The following NUMB variants were observed in gnomAD, a reference collection of about 807,000 sequenced individuals.
NUMB encodes protein numb homolog.
A neutral mutation model predicts 59.7 loss-of-function variants in NUMB; 29 were observed. That is an observed-to-expected ratio of 0.49 (90% CI 0.36 to 0.66). The LOEUF is 0.66. Among genes scored for constraint, NUMB ranks in the 30% least tolerant of loss-of-function variants. NUMB has a pLI of 0.00. For missense variants in NUMB, 723 were observed against 822.0 expected (o/e 0.88, Z 1.47); for synonymous variants, 288 against 288.2 (o/e 1.00, Z 0.01).
intron 8 of NUMB, among the ~76,000 whole-genome samples, chr14:73,291,306 C>A (rs1345202457): frequency 4.6e-5 from 7 of 152,028 alleles, no homozygotes; most frequent in Admixed American, 4.6e-4. Context: ...GTCTCCAACT[C>A]CTGACCTCAA....
At chr14:73,341,334 A>C (rs1892621393) in intron 4 of NUMB, among the ~76,000 whole-genome samples, 1 of 152,250 alleles carries the variant, frequency 6.6e-6, no homozygotes, top group South Asian at 2.1e-4. Context: ...AGTAGAACTA[A>C]AAATAATAAT....
At chr14:73,360,271 C>A (rs968210515) in intron 3 of NUMB, among the ~76,000 whole-genome samples, 8 of 152,124 alleles carry the variant, frequency 5.3e-5, no homozygotes, top group African/African-American at 1.7e-4. Flanking sequence ...AAGGTATGGC[C>A]CCGGCTGGGC....
chr14:73,454,039 A>C (rs2140215044), intron 1 of NUMB, among the ~76,000 whole-genome samples: 1 of 151,966 alleles, frequency 6.6e-6, no homozygotes, highest in East Asian at 1.9e-4. Context: ...TCAGGAAAAC[A>C]TAAAATGAGG....
intron 1 of NUMB, among the ~76,000 whole-genome samples, chr14:73,423,220 C>T (rs777953839): frequency 1.3e-5 from 2 of 151,852 alleles, no homozygotes; most frequent in Admixed American, 1.3e-4. Context: ...TCTTGATTGG[C>T]CGGGTGCGGT....
Position 73,428,301 on chromosome 14 carries a change from T to C in NUMB, c.-232-18233A>G, listed in dbSNP as rs139934807. Among the ~76,000 whole-genome samples the C allele has an allele frequency of 1.8e-3, 276 of 152,302 alleles. 1 individual carries two copies. Among genetic ancestry groups the C allele is most frequent in the African/African-American group, 6.4e-3 (268 of 41,566 alleles). ...CTACCTACCTAGGCTTTGGGTCCTT[T>C]ATCTGTTTAAAAAAAGAACACTTTA... On this transcript the variant is annotated intron_variant, in intron 1 of 12. Coordinates refer to ENST00000555238, the MANE Select transcript of NUMB (RefSeq NM_001005743.2).
intron 1 of NUMB, among the ~76,000 whole-genome samples, chr14:73,433,347 G>A (rs553910983): frequency 9.2e-5 from 14 of 152,184 alleles, no homozygotes; most frequent in South Asian, 4.1e-4. Flanking sequence ...GCTTGAACCC[G>A]GGAGACGGAG....
intron 2 of NUMB, among the ~76,000 whole-genome samples, chr14:73,384,156 CT>C (rs145759149): frequency 1.6e-3 from 233 of 144,916 alleles, no homozygotes; most frequent in Admixed American, 2.7e-3. Context: ...GACAAAATTT[CT>C]TTTTTTTTTT....
At chr14:73,387,480 T>C (rs1414789030) in intron 2 of NUMB, among the ~76,000 whole-genome samples, 1 of 151,956 alleles carries the variant, frequency 6.6e-6, no homozygotes, top group Non-Finnish European at 1.5e-5. Flanking sequence ...ATCTGATGGT[T>C]TTATAAGAGG....
chr14:73,279,387 C>T lies in NUMB; in HGVS notation c.1134G>A (p.Lys378=). The change falls in exon 12 of 13, where the codon AAG becomes AAA. Residue 378 remains lysine (K), a synonymous_variant. Coordinates refer to ENST00000555238, the MANE Select transcript of NUMB (RefSeq NM_001005743.2). ...GTDSAFHVLA[K]PAHTALAPVA... ...CGGGTGCTAGAGCAGTATGGGCTGG[C>T]TTAGCAAGCACATGGAAGGCTGAGT... is the stretch of plus-strand genomic sequence containing the variant. The T allele has an allele frequency of 1.2e-6, 2 of 1,603,612 alleles. No individual in the cohort carries two copies. Among genetic ancestry groups the T allele is most frequent in the South Asian group, 1.1e-5 (1 of 89,258 alleles).
At position 73,380,778 on chromosome 14, in the gene NUMB, G is replaced by A. The variant is rs112100571; in HGVS notation, c.-100-13797C>T. ...CTTGTTCTGTCACCCAGGCTGGAGT[G>A]CTGTGGCACGATCTCCGCTCACTGC... is the stretch of plus-strand genomic sequence containing the variant. On this transcript the variant is annotated intron_variant, in intron 2 of 12. Coordinates refer to ENST00000555238, the MANE Select transcript of NUMB (RefSeq NM_001005743.2). Among the ~76,000 whole-genome samples the A allele has an allele frequency of 1.1e-3, 165 of 144,902 alleles. 1 individual carries two copies. The highest frequency in any genetic ancestry group is 2.0e-3 in the Non-Finnish European group (132 of 67,058).
At chr14:73,412,632 G>GAAAA (rs1180955520) in intron 1 of NUMB, among the ~76,000 whole-genome samples, 2 of 92,488 alleles carry the variant, frequency 2.2e-5, no homozygotes, top group Admixed American at 1.2e-4. Flanking sequence ...CGTCTCAAAA[G>GAAAA]AAAAAAAAAA....
At chr14:73,366,347 T>G (rs1444476200) in intron 3 of NUMB, among the ~76,000 whole-genome samples, 1 of 152,240 alleles carries the variant, frequency 6.6e-6, no homozygotes, top group Non-Finnish European at 1.5e-5. Context: ...AGTTTTGTCA[T>G]ACCCTACATT....
chr14:73,438,854 T>C lies in NUMB; in HGVS notation c.-233+19639A>G, dbSNP rs539806505. 2.6e-3 allele frequency among the ~76,000 whole-genome samples: 389 copies of C among 152,190 alleles called. 2 individuals are homozygous for C. Among genetic ancestry groups the C allele is most frequent in the Non-Finnish European group, 4.8e-3 (327 of 68,018 alleles). On this transcript the variant is annotated intron_variant, in intron 1 of 12. Transcript: ENST00000555238. ...ATATTTCACAAGTGTCTGGGTTTCA[T>C]TATAAGAACACAAGTGATATCCCTC...
chr14:73,326,137 A>G (rs1891648740), intron 4 of NUMB, among the ~76,000 whole-genome samples: 1 of 152,056 alleles, frequency 6.6e-6, no homozygotes, highest in Admixed American at 6.6e-5. Context: ...AAGACCATGA[A>G]TTTGTTTGTG....
At chr14:73,352,707 T>TC (rs1893472581) in intron 4 of NUMB, among the ~76,000 whole-genome samples, 1 of 146,126 alleles carries the variant, frequency 6.8e-6, no homozygotes, top group South Asian at 2.2e-4. Context: ...GCTAATTTTT[T>TC]TTTTTTTTGT....
intron 4 of NUMB, among the ~76,000 whole-genome samples, chr14:73,332,001 A>G (rs1372044991): frequency 6.6e-6 from 1 of 152,184 alleles, no homozygotes; most frequent in Non-Finnish European, 1.5e-5. Context: ...TTCTTATACC[A>G]TGCAGGGTTA....
intron 2 of NUMB, among the ~76,000 whole-genome samples, chr14:73,391,840 A>G (rs1206680158): frequency 1.3e-5 from 2 of 152,206 alleles, no homozygotes; most frequent in African/African-American, 4.8e-5. Context: ...AAAGACTACT[A>G]TTGTCCACAG....
intron 4 of NUMB, among the ~76,000 whole-genome samples, chr14:73,343,002 G>A (rs1892720035): frequency 6.8e-6 from 1 of 146,572 alleles, no homozygotes; most frequent in African/African-American, 2.5e-5. Flanking sequence ...AATTTTTTCT[G>A]TTTTTTTTTT....
rs761890206 is a variant in NUMB, at chr14:73,287,140, TCTC to T, written c.622_624del (p.Glu208del). On this transcript the variant is annotated inframe_deletion, in exon 9 of 13. Transcript: ENST00000555238. The stretch of plus-strand genomic sequence containing the variant: ...TTGGCATCTTGCATTTGTTTCATGA[TCTC>T]CTCTCTTTCTGCTTGTTCAGTGGCT... 5 of 1,613,862 alleles carry T rather than the reference TCTC, an allele frequency of 3.1e-6. No homozygotes were observed. The highest frequency in any genetic ancestry group is 1.3e-5 in the African/African-American group (1 of 74,890).
Sources: gnomAD v4.1 joint callset for allele counts (sites outside exome capture counted in the v4.1 genomes callset) on GRCh38, gnomAD v4.1.1 for gene constraint, MANE v1.5 for transcripts, NCBI Gene and HGNC (gene_info 2026-07-23, HGNC 2026-07-21) for gene names.